ETV6: variants seen among roughly 807,000 people sequenced by gnomAD.
ETV6 encodes transcription factor ETV6.
Under a neutral mutation model 51.1 loss-of-function variants are expected in ETV6, and 16 were observed. The observed-to-expected ratio is 0.31, with a 90% CI of 0.21 to 0.48. The LOEUF (loss-of-function observed/expected upper bound fraction) is 0.48. Ranked by LOEUF, ETV6 falls within the 20% of genes least tolerant of loss-of-function variation. The pLI, the probability that ETV6 is intolerant of heterozygous loss-of-function variation, is 0.99. For synonymous variants in ETV6, 240 were observed against 224.1 expected (o/e 1.07, Z -0.64); for missense variants, 458 against 594.8 (o/e 0.77, Z 2.39).
chr12:11,863,356 T>A (rs533209990), intron 4 of ETV6, among the ~76,000 whole-genome samples: 65 of 152,272 alleles, frequency 4.3e-4, no homozygotes, highest in African/African-American at 1.5e-3. Flanking sequence ...CGTTTGGCAG[T>A]GAGAAGAAGG....
At chr12:11,713,252 G>A (rs1325639261) in intron 1 of ETV6, among the ~76,000 whole-genome samples, 13 of 152,184 alleles carry the variant, frequency 8.5e-5, no homozygotes, top group Admixed American at 8.5e-4. Flanking sequence ...ATCTGATACA[G>A]TTCTTCTGCC....
intron 1 of ETV6, among the ~76,000 whole-genome samples, chr12:11,660,938 AG>A (rs1864090664): frequency 1.3e-5 from 2 of 152,190 alleles, no homozygotes; most frequent in Admixed American, 6.5e-5. Context: ...TCCCTGTGAC[AG>A]GTTTTGGAAA....
Position 11,669,823 on chromosome 12 carries a change from C to T in ETV6, c.33+19663C>T, listed in dbSNP as rs191503692. ...TTCGTATTCCCAAAATAGAAACCGT[C>T]GCCACCAGCACGTAATGTCTGGCCT... On this transcript the variant is annotated intron_variant, in intron 1 of 7. Transcript: ENST00000396373. Among the ~76,000 whole-genome samples, 11 of 152,244 alleles carry T rather than the reference C, an allele frequency of 7.2e-5. No homozygotes were observed. In the East Asian group the frequency reaches 9.7e-4, roughly 13 times the overall value.
chr12:11,730,637 A>G (rs1351151559), intron 1 of ETV6, among the ~76,000 whole-genome samples: 1 of 152,212 alleles, frequency 6.6e-6, no homozygotes, highest in Non-Finnish European at 1.5e-5. Flanking sequence ...TGAACCTGCG[A>G]CTTCATCCTA....
intron 4 of ETV6, among the ~76,000 whole-genome samples, chr12:11,854,672 G>T (rs1392083385): frequency 6.6e-6 from 1 of 152,184 alleles, no homozygotes; most frequent in Non-Finnish European, 1.5e-5. Flanking sequence ...AGTCCAAGGA[G>T]CTTAGCTTGG....
chr12:11,865,027 G>A (rs1439173634), intron 4 of ETV6, among the ~76,000 whole-genome samples: 7 of 152,088 alleles, frequency 4.6e-5, no homozygotes, highest in African/African-American at 1.4e-4. Context: ...TGAGGTGGGC[G>A]GATCATGAGG....
At chr12:11,734,516 C>CAA (rs1043955081) in intron 1 of ETV6, among the ~76,000 whole-genome samples, 3,726 of 68,436 alleles carry the variant, frequency 0.054, 157 homozygotes, top group African/African-American at 0.14. Context: ...CTGAGATGAG[C>CAA]AAAAAAAAAA....
chr12:11,696,757 A>G (rs1430182915), intron 1 of ETV6, among the ~76,000 whole-genome samples: 1 of 152,220 alleles, frequency 6.6e-6, no homozygotes, highest in African/African-American at 2.4e-5. Context: ...TGGAGGTTGC[A>G]GTGAGCTGAG....
chr12:11,808,997 C>T (rs961401072), intron 2 of ETV6, among the ~76,000 whole-genome samples: 1 of 151,960 alleles, frequency 6.6e-6, no homozygotes, highest in Non-Finnish European at 1.5e-5. Flanking sequence ...AACCCTATCT[C>T]TACAAAAAAA....
intron 2 of ETV6, among the ~76,000 whole-genome samples, chr12:11,795,299 C>T (rs1733929815): frequency 6.6e-6 from 1 of 152,246 alleles, no homozygotes; most frequent in Admixed American, 6.5e-5. Flanking sequence ...GCTTGGGGCT[C>T]TGTCAGTCCG....
intron 2 of ETV6, among the ~76,000 whole-genome samples, chr12:11,797,336 A>G (rs1009747660): frequency 2.0e-5 from 3 of 152,174 alleles, no homozygotes; most frequent in Non-Finnish European, 4.4e-5. Flanking sequence ...TTTCAGTACC[A>G]GATAGTGGGA....
chr12:11,679,869 T>G (rs897791777), intron 1 of ETV6, among the ~76,000 whole-genome samples: 9 of 152,226 alleles, frequency 5.9e-5, no homozygotes, highest in Admixed American at 2.6e-4. Flanking sequence ...TCATCCTCTG[T>G]GTTCACACGC....
intron 4 of ETV6, among the ~76,000 whole-genome samples, chr12:11,857,647 GCAAAAC>G (rs1325419682): frequency 2.0e-5 from 3 of 152,116 alleles, no homozygotes; most frequent in African/African-American, 7.2e-5. Flanking sequence ...AAATATTCAG[GCAAAAC>G]CAGAACCAGA....
intron 1 of ETV6, among the ~76,000 whole-genome samples, chr12:11,724,661 G>A (rs530740465): frequency 6.6e-6 from 1 of 152,308 alleles, no homozygotes; most frequent in African/African-American, 2.4e-5. Flanking sequence ...AAAGAGTTGA[G>A]GGGAGTGAGG....
In ETV6 at chr12:11,731,239, G is replaced by A. The variant is rs554981702; in HGVS notation, c.34-21211G>A. Among the ~76,000 whole-genome samples the A allele has an allele frequency of 2.0e-5, 3 of 152,302 alleles. No homozygotes were observed. In the East Asian group the frequency reaches 5.8e-4, roughly 29 times the overall value. On this transcript the variant is annotated intron_variant, in intron 1 of 7. Coordinates refer to ENST00000396373, the MANE Select transcript of ETV6 (RefSeq NM_001987.5). ...AATAAAGGTATGTCCTTCTTATTCGGTGTTGCATTGTCAGCACCTAACACA... is the reference window on the plus strand; with the variant it reads ...AATAAAGGTATGTCCTTCTTATTCGATGTTGCATTGTCAGCACCTAACACA...
At chr12:11,807,992 A>T (rs1041930261) in intron 2 of ETV6, among the ~76,000 whole-genome samples, 3 of 152,212 alleles carry the variant, frequency 2.0e-5, no homozygotes, top group Non-Finnish European at 2.9e-5. Flanking sequence ...CCCTTCCCCA[A>T]TGATCATCAG....
Position 11,754,720 on chromosome 12 carries a change from T to C in ETV6, c.163+2141T>C, listed in dbSNP as rs569606907. On this transcript the variant is annotated intron_variant, in intron 2 of 7. Transcript: ENST00000396373. The stretch of plus-strand genomic sequence containing the variant: ...CCATACTAACACTTGAATTTTTTCT[T>C]GAGTAGACAGTTTCCTTATTGAGCC... Among the ~76,000 whole-genome samples the C allele has an allele frequency of 1.8e-4, 28 of 152,366 alleles. 1 individual carries two copies. The highest frequency in any genetic ancestry group is 6.0e-4 in the African/African-American group (25 of 41,584).
chr12:11,849,787 G>A (rs1264371534), intron 3 of ETV6, among the ~76,000 whole-genome samples: 1 of 152,162 alleles, frequency 6.6e-6, no homozygotes, highest in Non-Finnish European at 1.5e-5. Flanking sequence ...GACTCTTAGT[G>A]AGCAAAGTTT....
chr12:11,892,656 T>G lies in ETV6; in HGVS notation c.*1610T>G, dbSNP rs147273403. On this transcript the variant is annotated 3_prime_UTR_variant, in exon 8 of 8. Coordinates refer to ENST00000396373, the MANE Select transcript of ETV6 (RefSeq NM_001987.5). ...GTTCCCCTCTGTTTCCTCTACTCAG[T>G]TGGGGGAGAAACTCACAGCTCCTCC... 4.3e-6 allele frequency: 1 copy of G among 233,052 alleles called. No homozygotes were observed. Among genetic ancestry groups the G allele is most frequent in the African/African-American group, 2.2e-5 (1 of 45,338 alleles). The allele number at this position is 233,052 out of a possible 1,614,324, so 14.4% of individuals were successfully genotyped here.
Sources: allele counts gnomAD v4.1 joint callset (sites outside exome capture counted in the v4.1 genomes callset), GRCh38; gene constraint gnomAD v4.1.1; transcripts MANE v1.5; gene names NCBI Gene and HGNC (gene_info 2026-07-23, HGNC 2026-07-21).